The following USP6NL variants were observed in gnomAD, a reference collection of about 807,000 sequenced individuals.
The protein encoded by USP6NL is USP6 N-terminal-like protein.
In USP6NL, 26 loss-of-function variants were observed where a neutral mutation model predicts 61.9. The ratio of observed to expected loss-of-function variants is 0.42; its 90% CI spans 0.31 to 0.58. The LOEUF (loss-of-function observed/expected upper bound fraction) is 0.58, where lower values mean the gene tolerates loss of function less well. Ranked by LOEUF, USP6NL falls within the 20% of genes least tolerant of loss-of-function variation. USP6NL has a pLI of 0.16. For synonymous variants in USP6NL, 432 were observed against 390.1 expected (o/e 1.11, Z -1.27); for missense variants, 1,114 against 1,034.3 (o/e 1.08, Z -1.06).
chr10:11,572,598 C>T (rs1327725074), intron 2 of USP6NL, among the ~76,000 whole-genome samples: 6 of 151,912 alleles, frequency 3.9e-5, no homozygotes, highest in Non-Finnish European at 8.8e-5. Context: ...AATCATTTTA[C>T]TAAGACTTAT....
chr10:11,497,180 TG>T (rs1833967384), intron 7 of USP6NL, among the ~76,000 whole-genome samples: 2 of 137,796 alleles, frequency 1.5e-5, no homozygotes, highest in East Asian at 2.1e-4. Flanking sequence ...AAGGGTGAGG[TG>T]GGGGGATCAC....
At position 11,569,934 on chromosome 10, in the gene USP6NL, C is replaced by T. The variant is rs35283504; in HGVS notation, c.4+27697G>A. 7.4e-3 allele frequency among the ~76,000 whole-genome samples: 1,129 copies of T among 152,276 alleles called. 2 individuals carry two copies. Among genetic ancestry groups the T allele is most frequent in the South Asian group, 0.011 (55 of 4,822 alleles). ...CGGATTCTTCATGTTTGGGCACCTG[C>T]GTCACCTATTTTCTTGCCATACTTA... On this transcript the variant is annotated intron_variant, in intron 2 of 14. Transcript: ENST00000609104.
rs1222077322 is a variant in USP6NL at position 11,463,880 on chromosome 10, A to G, written c.1079-31T>C. The G allele has an allele frequency of 2.8e-6, 4 of 1,453,380 alleles. No homozygotes were observed. Among genetic ancestry groups the G allele is most frequent in the Non-Finnish European group, 3.6e-6 (4 of 1,100,412 alleles). 90.0% of individuals were successfully genotyped at this position (1,453,380 alleles called of 1,614,324 possible). On this transcript the variant is annotated intron_variant, in intron 14 of 14. Coordinates refer to ENST00000609104, the MANE Select transcript of USP6NL (RefSeq NM_014688.5). This position sits in a 1 kb window ranked among gnomAD's most constrained non-coding sequence, Gnocchi z 6.3. ...AAGAAAGAGAAAGGCTAAGTAAGAT[A>G]ATACACGAGTAAACAGTAGCCAGTT... is the stretch of plus-strand genomic sequence containing the variant.
rs1832870493 is a variant in USP6NL at position 11,474,105 on chromosome 10, T to G, written c.1078+7665A>C. Among the ~76,000 whole-genome samples, 1 of 152,156 alleles carries G rather than the reference T, an allele frequency of 6.6e-6. No individual in the cohort carries two copies. Among genetic ancestry groups the G allele is most frequent in the Non-Finnish European group, 1.5e-5 (1 of 68,028 alleles). ...ACCCCAAGTTTACCTGGGAAAAAAGTCTTAATTCCTGAAGATCCAGAACTA... is the reference window on the plus strand; with the variant it reads ...ACCCCAAGTTTACCTGGGAAAAAAGGCTTAATTCCTGAAGATCCAGAACTA... On this transcript the variant is annotated intron_variant, in intron 14 of 14. Transcript: ENST00000609104. The surrounding 1 kb of genome is among the most constrained non-coding windows in gnomAD (Gnocchi z 4.9).
rs899725821 is a variant in USP6NL, at chr10:11,525,020, C to T, written c.155+366G>A. ...CTTTACAAGGCTAATTTTCAGGCTG[C>T]ATAACACTAAAGTTCGAATTGCTAT... On this transcript the variant is annotated intron_variant, in intron 4 of 14. Coordinates refer to ENST00000609104, the MANE Select transcript of USP6NL (RefSeq NM_014688.5). The surrounding 1 kb of genome is among the most constrained non-coding windows in gnomAD (Gnocchi z 5.0). Among the ~76,000 whole-genome samples, 4 of 152,140 alleles carry T rather than the reference C, an allele frequency of 2.6e-5. No homozygotes were observed. Among genetic ancestry groups the T allele is most frequent in the Admixed American group, 2.6e-4 (4 of 15,274 alleles).
At chr10:11,521,798 G>C (rs1212178441) in intron 4 of USP6NL, among the ~76,000 whole-genome samples, 1 of 152,176 alleles carries the variant, frequency 6.6e-6, no homozygotes, top group Non-Finnish European at 1.5e-5. Flanking sequence ...TTGATAAGTA[G>C]CTGAAAATCT....
chr10:11,516,881 A>C (rs1331707347), intron 5 of USP6NL, among the ~76,000 whole-genome samples: 3 of 152,308 alleles, frequency 2.0e-5, no homozygotes, highest in Non-Finnish European at 4.4e-5. Context: ...AAATTTTGAA[A>C]AACAATATTC....
intron 2 of USP6NL, among the ~76,000 whole-genome samples, chr10:11,554,861 G>A (rs1424894540): frequency 4.7e-5 from 7 of 148,256 alleles, no homozygotes; most frequent in South Asian, 2.1e-4. Context: ...GTGCAGTGGT[G>A]CGATCTCCAC....
intron 2 of USP6NL, among the ~76,000 whole-genome samples, chr10:11,530,692 A>T (rs1343949713): frequency 6.6e-6 from 1 of 152,264 alleles, no homozygotes; most frequent in African/African-American, 2.4e-5. Flanking sequence ...ATTTTAGAAA[A>T]TATAGCCAAA....
intron 2 of USP6NL, among the ~76,000 whole-genome samples, chr10:11,569,850 C>G (rs552803909): frequency 6.6e-6 from 1 of 152,302 alleles, no homozygotes; most frequent in Non-Finnish European, 1.5e-5. Context: ...GTTAAATGAT[C>G]ATGCTTCTTC....
At chr10:11,552,291 A>C (rs2133493002) in intron 2 of USP6NL, among the ~76,000 whole-genome samples, 1 of 152,380 alleles carries the variant, frequency 6.6e-6, no homozygotes, top group Middle Eastern at 3.4e-3. Flanking sequence ...TCTGAATGAC[A>C]GTGAACTTAA....
rs939608009 is a variant in USP6NL at position 11,463,111 on chromosome 10, T to C, written c.1817A>G (p.Lys606Arg). The part of the protein sequence containing the change: ...PSKVSNKFTF[K>R]VQPPSHARYP... ...TCGTGCATGACTTGGAGGCTGTACT[T>C]TAAAAGTAAACTTGTTGGATACTTT... The change falls in exon 15 of 15, where the codon AAA becomes AGA. Residue 606 changes from lysine (K) to arginine (R), a missense_variant. Coordinates refer to ENST00000609104, the MANE Select transcript of USP6NL (RefSeq NM_014688.5). The surrounding 1 kb of genome is among the most constrained non-coding windows in gnomAD (Gnocchi z 6.3). The C allele has an allele frequency of 6.2e-7, 1 of 1,614,008 alleles. No homozygotes were observed.
At chr10:11,538,663 T>C (rs1026498176) in intron 2 of USP6NL, among the ~76,000 whole-genome samples, 3 of 152,232 alleles carry the variant, frequency 2.0e-5, no homozygotes, top group African/African-American at 7.2e-5. Flanking sequence ...AAGTATACTT[T>C]TGCTAAAGAT....
In USP6NL at chr10:11,602,964, G is replaced by A. The variant is rs139888630; in HGVS notation, c.-83-5247C>T. ...TAAAGAATGCTCTTGCTGCAACCCC[G>A]TGAAACATAACGTCACATTTCTACA... On this transcript the variant is annotated intron_variant, in intron 1 of 14. Coordinates refer to ENST00000609104, the MANE Select transcript of USP6NL (RefSeq NM_014688.5). This position sits in a 1 kb window ranked among gnomAD's most constrained non-coding sequence, Gnocchi z 4.8. 2.4e-4 allele frequency among the ~76,000 whole-genome samples: 37 copies of A among 152,222 alleles called. No homozygotes were observed. Among genetic ancestry groups the A allele is most frequent in the African/African-American group, 6.7e-4 (28 of 41,542 alleles).
At chr10:11,542,966 A>AGT (rs1836127164) in intron 2 of USP6NL, among the ~76,000 whole-genome samples, 1 of 151,540 alleles carries the variant, frequency 6.6e-6, no homozygotes, top group Non-Finnish European at 1.5e-5. Context: ...CAGGAGCAGA[A>AGT]GTATATATAG....
chr10:11,555,201 A>G (rs1836644965), intron 2 of USP6NL, among the ~76,000 whole-genome samples: 1 of 144,664 alleles, frequency 6.9e-6, no homozygotes, highest in South Asian at 2.2e-4. Flanking sequence ...GGATCACCTG[A>G]GGTCAGGAGT....
Position 11,490,274 on chromosome 10 carries a change from G to T in USP6NL, c.543+558C>A, listed in dbSNP as rs1833653289. On this transcript the variant is annotated intron_variant, in intron 9 of 14. Transcript: ENST00000609104. This position sits in a 1 kb window ranked among gnomAD's most constrained non-coding sequence, Gnocchi z 4.5. Reference sequence around the variant, plus strand: ...AGTATTCATTTAACACCCACATTAAGTCCAACACAAATTAATCTATCCCAG... The same window carrying T: ...AGTATTCATTTAACACCCACATTAATTCCAACACAAATTAATCTATCCCAG... Among the ~76,000 whole-genome samples, 1 of 152,162 alleles carries T rather than the reference G, an allele frequency of 6.6e-6. No individual in the cohort carries two copies. The highest frequency in any genetic ancestry group is 2.1e-4 in the South Asian group (1 of 4,828).
rs1836928739 is a variant in USP6NL at position 11,561,488 on chromosome 10, T to C, written c.5-33921A>G. Among the ~76,000 whole-genome samples, 1 of 152,236 alleles carries C rather than the reference T, an allele frequency of 6.6e-6. No homozygotes were observed. The highest frequency in any genetic ancestry group is 6.5e-5 in the Admixed American group (1 of 15,294). On this transcript the variant is annotated intron_variant, in intron 2 of 14. Transcript: ENST00000609104. This position sits in a 1 kb window ranked among gnomAD's most constrained non-coding sequence, Gnocchi z 4.1. ...CACAACAGAACCATACTAAGCACAT[T>C]GCTTTGCAATTATCTTTCTACTCAA...
chr10:11,483,999 A>C (rs1310224160), intron 13 of USP6NL, among the ~76,000 whole-genome samples: 1 of 152,194 alleles, frequency 6.6e-6, no homozygotes, highest in Non-Finnish European at 1.5e-5. Context: ...TCTTATAGTA[A>C]AGTCCGTAAC....
Sources: gnomAD v4.1 joint callset for allele counts (sites outside exome capture counted in the v4.1 genomes callset) on GRCh38, gnomAD v4.1.1 for gene constraint, Gnocchi (gnomAD v3.1) non-coding constraint, MANE v1.5 for transcripts, NCBI Gene and HGNC (gene_info 2026-07-23, HGNC 2026-07-21) for gene names.